FARS2: variants seen among roughly 807,000 people sequenced by gnomAD.
FARS2 encodes phenylalanine--tRNA ligase, mitochondrial.
FARS2 carries 40 observed loss-of-function variants against 46.4 expected under a neutral mutation model. The ratio of observed to expected loss-of-function variants is 0.86; its 90% CI spans 0.67 to 1.12. The LOEUF is 1.12. FARS2 is among the 50% of genes most tolerant of loss of function. FARS2 has a pLI of 0.00. For missense variants in FARS2, 513 were observed against 567.9 expected (o/e 0.90, Z 0.98); for synonymous variants, 234 against 214.9 (o/e 1.09, Z -0.78).
intron 1 of FARS2, among the ~76,000 whole-genome samples, chr6:5,277,144 G>T (rs1766391343): frequency 6.6e-6 from 1 of 152,068 alleles, no homozygotes; most frequent in Non-Finnish European, 1.5e-5. Flanking sequence ...CAGATAGCGA[G>T]TGCAGCGTCA....
At chr6:5,542,310 A>G (rs1292093770) in intron 4 of FARS2, among the ~76,000 whole-genome samples, 1 of 152,178 alleles carries the variant, frequency 6.6e-6, no homozygotes, top group Non-Finnish European at 1.5e-5. Flanking sequence ...ATATGGATAT[A>G]CCACAATTTC....
chr6:5,646,793 A>G (rs180851484), intron 6 of FARS2, among the ~76,000 whole-genome samples: 36 of 152,388 alleles, frequency 2.4e-4, no homozygotes, highest in African/African-American at 8.7e-4. Context: ...TTAGGGAATA[A>G]TGTCAAGAAA....
In FARS2 at chr6:5,743,165, A is replaced by T. The variant is rs139577660; in HGVS notation, c.1218-28126A>T. ...CAAGCTCTCTTGGGAACCTTTAAGG[A>T]TGCCAATATCTGATTAAATGGCAAC... On this transcript the variant is annotated intron_variant, in intron 6 of 6. Coordinates refer to ENST00000274680, the MANE Select transcript of FARS2 (RefSeq NM_006567.5). Among the ~76,000 whole-genome samples, 11 of 152,284 alleles carry T rather than the reference A, an allele frequency of 7.2e-5. No individual in the cohort carries two copies. In the East Asian group the frequency reaches 1.2e-3, roughly 16 times the overall value.
intron 6 of FARS2, among the ~76,000 whole-genome samples, chr6:5,686,097 A>G (rs1359068351): frequency 6.6e-6 from 1 of 152,148 alleles, no homozygotes; most frequent in Non-Finnish European, 1.5e-5. Flanking sequence ...TTTCCCCTGC[A>G]TTTCTTAGCA....
intron 1 of FARS2, among the ~76,000 whole-genome samples, chr6:5,318,283 C>T (rs374921031): frequency 3.3e-5 from 5 of 149,410 alleles, no homozygotes; most frequent in South Asian, 2.2e-4. Context: ...CGCTTGAACC[C>T]GGGAGGTGGA....
intron 6 of FARS2, among the ~76,000 whole-genome samples, chr6:5,732,723 C>T (rs777775320): frequency 2.0e-5 from 3 of 152,238 alleles, no homozygotes; most frequent in African/African-American, 7.2e-5. Flanking sequence ...GCCCCAGTCA[C>T]GAGCTCCTGG....
chr6:5,440,669 G>T (rs1377375746), intron 4 of FARS2, among the ~76,000 whole-genome samples: 1 of 152,152 alleles, frequency 6.6e-6, no homozygotes, highest in Non-Finnish European at 1.5e-5. Flanking sequence ...GGAAAAAAAT[G>T]TATACTGGTG....
At chr6:5,602,918 C>T (rs948708330) in intron 5 of FARS2, among the ~76,000 whole-genome samples, 1 of 152,128 alleles carries the variant, frequency 6.6e-6, no homozygotes, top group Non-Finnish European at 1.5e-5. Flanking sequence ...AACACTATGA[C>T]GTCTGGGCTT....
At chr6:5,560,395 AT>A (rs1349639586) in intron 5 of FARS2, among the ~76,000 whole-genome samples, 1 of 152,144 alleles carries the variant, frequency 6.6e-6, no homozygotes, top group African/African-American at 2.4e-5. Flanking sequence ...TTAAACCAAT[AT>A]TTTATTCCTG....
chr6:5,684,481 C>G (rs953740830), intron 6 of FARS2, among the ~76,000 whole-genome samples: 1 of 152,154 alleles, frequency 6.6e-6, no homozygotes, highest in African/African-American at 2.4e-5. Context: ...AGGTGATTCG[C>G]TTGTTTTCAT....
upstream of FARS2, chr6:5,260,517 C>T (rs1424362220): frequency 7.9e-7 from 1 of 1,260,222 alleles, no homozygotes; most frequent in African/African-American, 1.5e-5. Flanking sequence ...ATGGCGGAGC[C>T]CGGTCCTTGC....
At chr6:5,759,655 G>T (rs965054946) in intron 6 of FARS2, among the ~76,000 whole-genome samples, 1 of 152,182 alleles carries the variant, frequency 6.6e-6, no homozygotes, top group Non-Finnish European at 1.5e-5. Flanking sequence ...GGGCTGTCAT[G>T]CTGTTTTGCT....
chr6:5,316,035 C>G (rs1769494255), intron 1 of FARS2, among the ~76,000 whole-genome samples: 1 of 152,210 alleles, frequency 6.6e-6, no homozygotes, highest in African/African-American at 2.4e-5. Flanking sequence ...ATCCAGACAG[C>G]CTAACTGGCA....
chr6:5,684,547 C>G (rs970035070), intron 6 of FARS2, among the ~76,000 whole-genome samples: 3 of 152,186 alleles, frequency 2.0e-5, no homozygotes, highest in Admixed American at 6.5e-5. Context: ...GAGCTATTTC[C>G]ATCACCCTTA....
intron 6 of FARS2, among the ~76,000 whole-genome samples, chr6:5,760,141 T>C (rs73364255): frequency 1.3e-3 from 191 of 152,340 alleles, no homozygotes; most frequent in African/African-American, 3.9e-3. Context: ...TCTTTACCGA[T>C]GTGTAATTCC....
intron 4 of FARS2, among the ~76,000 whole-genome samples, chr6:5,485,419 T>C (rs1766715271): frequency 6.6e-6 from 1 of 151,348 alleles, no homozygotes; most frequent in Non-Finnish European, 1.5e-5. Context: ...TTAAATACTC[T>C]AATGGGAAAT....
intron 6 of FARS2, among the ~76,000 whole-genome samples, chr6:5,648,420 C>A (rs939982133): frequency 6.6e-6 from 1 of 152,064 alleles, no homozygotes; most frequent in African/African-American, 2.4e-5. Context: ...TGTTTCTCTC[C>A]CTACCTGGGA....
At chr6:5,413,946 C>A (rs1762078572) in intron 3 of FARS2, among the ~76,000 whole-genome samples, 1 of 152,138 alleles carries the variant, frequency 6.6e-6, no homozygotes, top group African/African-American at 2.4e-5. Context: ...CTTAGTTGGA[C>A]TGCTGATTAC....
intron 2 of FARS2, among the ~76,000 whole-genome samples, chr6:5,398,431 G>C (rs1761035703): frequency 6.6e-6 from 1 of 151,958 alleles, no homozygotes; most frequent in Non-Finnish European, 1.5e-5. Flanking sequence ...ACCCAGGTTT[G>C]GTCTTTGGGA....
Sources: gnomAD v4.1 joint callset for allele counts (sites outside exome capture counted in the v4.1 genomes callset) on GRCh38, gnomAD v4.1.1 for gene constraint, MANE v1.5 for transcripts, NCBI Gene and HGNC (gene_info 2026-07-23, HGNC 2026-07-21) for gene names.